Variants in VPS13A observed in about 807,000 individuals in gnomAD.
VPS13A encodes the protein vacuolar protein sorting 13 homolog A.
A neutral mutation model predicts 390.9 loss-of-function variants in VPS13A; 264 were observed. The ratio of observed to expected loss-of-function variants is 0.68; its 90% CI spans 0.61 to 0.75. VPS13A has a LOEUF of 0.75. VPS13A is among the 30% of genes least tolerant of loss of function. The pLI is 0.00. For missense variants in VPS13A, 3,409 were observed against 3,733.9 expected, an observed-to-expected ratio of 0.91 and a Z score of 2.27; for synonymous variants, 1,231 against 1,227.1, an observed-to-expected ratio of 1.00 and a Z score of -0.07.
At chr9:77,383,965 GT>G (rs1554677015) in intron 68 of VPS13A, among the ~76,000 whole-genome samples, 75 of 126,454 alleles carry the variant, frequency 5.9e-4, no homozygotes, top group Middle Eastern at 3.9e-3. Flanking sequence ...GGTGGGTTTT[GT>G]TTTTTTTTTT....
chr9:77,260,297 G>T, intron 23 of VPS13A, 73 bp downstream of exon 23: 1 of 1,481,778 alleles, frequency 6.7e-7, no homozygotes, highest in Non-Finnish European at 9.2e-7. Context: ...ACAATCACAG[G>T]AATTTTATAT....
chr9:77,178,075 G>C (rs893456306), intron 1 of VPS13A: 21 of 393,654 alleles, frequency 5.3e-5, no homozygotes, highest in Non-Finnish European at 9.1e-5. Context: ...CTTGCCGTGG[G>C]CTCCGTGGGT....
rs1832476592 is a variant in VPS13A, at chr9:77,367,117, C to T, written c.8471+245C>T. ...AGAGTCATAGGCCATGCAAGTTTCACATTTTAAAAGATCTTTCTGGCTTAG... is the reference window on the plus strand; with the variant it reads ...AGAGTCATAGGCCATGCAAGTTTCATATTTTAAAAGATCTTTCTGGCTTAG... On this transcript the variant is annotated intron_variant, in intron 61 of 71. Coordinates refer to ENST00000360280, the MANE Select transcript of VPS13A (RefSeq NM_033305.3). Among the ~76,000 whole-genome samples the T allele has an allele frequency of 2.0e-5, 3 of 152,216 alleles. No homozygotes were observed. The South Asian group carries it at 6.2e-4, about 32-fold the overall frequency.
intron 16 of VPS13A, among the ~76,000 whole-genome samples, chr9:77,227,746 G>T (rs1823602658): frequency 6.6e-6 from 1 of 151,202 alleles, no homozygotes; most frequent in South Asian, 2.1e-4. Context: ...TGTTGCTCAG[G>T]CTGGTTTTGA....
At chr9:77,235,678 T>C (rs1164405638) in intron 17 of VPS13A, among the ~76,000 whole-genome samples, 5 of 152,192 alleles carry the variant, frequency 3.3e-5, no homozygotes, top group African/African-American at 7.2e-5. Flanking sequence ...GTAGTGCATA[T>C]GTTGTTCCAC....
chr9:77,294,594 A>G (rs573534976), intron 32 of VPS13A, among the ~76,000 whole-genome samples: 38 of 152,176 alleles, frequency 2.5e-4, no homozygotes, highest in East Asian at 7.7e-4. Context: ...TGTTATTTCA[A>G]AATTCTAAGT....
intron 14 of VPS13A, 88 bp from the exon 15 acceptor site, chr9:77,226,378 A>G (rs1021661574): frequency 3.2e-6 from 4 of 1,257,412 alleles, no homozygotes; most frequent in African/African-American, 1.5e-5. Flanking sequence ...GCTCAAGAGG[A>G]TAAGTTCTCA....
At chr9:77,387,779 A>G (rs752736318) in intron 68 of VPS13A, among the ~76,000 whole-genome samples, 2 of 152,244 alleles carry the variant, frequency 1.3e-5, no homozygotes, top group South Asian at 2.1e-4. Context: ...TTCAAAACAC[A>G]TATCACTGAT....
chr9:77,340,470 A>C lies in VPS13A; in HGVS notation c.6946A>C (p.Met2316Leu). Residue 2316 changes from methionine to leucine, a missense_variant, in exon 50 of 72, where the codon ATG becomes CTG. Coordinates refer to ENST00000360280, the MANE Select transcript of VPS13A (RefSeq NM_033305.3). ...AATTGTGACATTTACCCCTTTTTATATGATTAAAAACAAAAGCAAATACCA... is the reference window on the plus strand; with the variant it reads ...AATTGTGACATTTACCCCTTTTTATCTGATTAAAAACAAAAGCAAATACCA... ...TRIVTFTPFY[M>L]IKNKSKYHIS... 1 of 1,613,360 alleles carries C rather than the reference A, an allele frequency of 6.2e-7. No individual in the cohort carries two copies. The highest frequency in any genetic ancestry group is 2.2e-5 in the East Asian group (1 of 44,750).
rs1834292435 is a variant in VPS13A at position 77,399,826 on chromosome 9, T to G, written c.9190-3410T>G. On this transcript the variant is annotated intron_variant, in intron 68 of 71. Transcript: ENST00000360280. ...TCCAGAAGTTTCTACATGTTGAAAC[T>G]GGTTTAACTGCTTATATGCACAGAT... 3.9e-5 allele frequency among the ~76,000 whole-genome samples: 6 copies of G among 152,356 alleles called. No homozygotes were observed. In the South Asian group the frequency reaches 1.0e-3, roughly 26 times the overall value.
At position 77,210,677 on chromosome 9, in the gene VPS13A, T is replaced by C. The variant is rs1359876093; in HGVS notation, c.555+2T>C. ...TCCCTTCAAAATCTGAGCATGCAGG[T>C]ATTTTGTTTATAAAAGAATCTTAAC... On this transcript the variant is annotated splice_donor_variant, in intron 7 of 71. Transcript: ENST00000360280. LOFTEE classifies it high-confidence loss of function. The C allele has an allele frequency of 6.2e-7, 1 of 1,613,306 alleles. No individual in the cohort carries two copies.
At chr9:77,406,268 G>C (rs551979934) in intron 70 of VPS13A, among the ~76,000 whole-genome samples, 2 of 152,228 alleles carry the variant, frequency 1.3e-5, no homozygotes, top group East Asian at 3.9e-4. Context: ...ATGAAATAAT[G>C]GATAGTGGCT....
intron 58 of VPS13A, 70 bp downstream of exon 58, chr9:77,359,472 C>A: frequency 7.6e-7 from 1 of 1,313,772 alleles, no homozygotes; most frequent in Non-Finnish European, 1.1e-6. Flanking sequence ...TGTTTGTACT[C>A]TTTAAATGTT....
At chr9:77,303,165 C>A in intron 34 of VPS13A, 103 bp downstream of exon 34, 2 of 1,215,204 alleles carry the variant, frequency 1.6e-6, no homozygotes, top group Non-Finnish European at 2.4e-6. Flanking sequence ...TACATAATCA[C>A]CTTGGTCAGA....
At chr9:77,179,314 A>G (rs1004349380) in intron 1 of VPS13A, among the ~76,000 whole-genome samples, 3 of 152,238 alleles carry the variant, frequency 2.0e-5, no homozygotes, top group Non-Finnish European at 4.4e-5. Flanking sequence ...CACCACCACA[A>G]TAATGGCACA....
chr9:77,371,017 T>G lies in VPS13A; in HGVS notation c.8954-9T>G, dbSNP rs2131588884. The G allele has an allele frequency of 1.9e-6, 3 of 1,614,184 alleles. No individual in the cohort carries two copies. The highest frequency in any genetic ancestry group is 2.5e-6 in the Non-Finnish European group (3 of 1,180,004). On this transcript the variant is annotated splice_polypyrimidine_tract_variant and intron_variant, in intron 66 of 71. Coordinates refer to ENST00000360280, the MANE Select transcript of VPS13A (RefSeq NM_033305.3). ...GATGCAATTGTCAAAAACTCTTTTT[T>G]CTTTCCAGGAGCTCAAAAAGGAGGA...
intron 68 of VPS13A, among the ~76,000 whole-genome samples, chr9:77,385,564 TTA>T (rs1833647340): frequency 6.6e-6 from 1 of 152,056 alleles, no homozygotes; most frequent in Non-Finnish European, 1.5e-5. Context: ...TAAATCTATT[TTA>T]TGTTTTGTGT....
At chr9:77,379,286 G>T (rs1200096501) in intron 67 of VPS13A, among the ~76,000 whole-genome samples, 1 of 150,390 alleles carries the variant, frequency 6.6e-6, no homozygotes, top group Non-Finnish European at 1.5e-5. Context: ...TGTTGCCCAG[G>T]CTGGAGTGCA....
At chr9:77,194,361 T>G (rs1225998730) in intron 1 of VPS13A, among the ~76,000 whole-genome samples, 12 of 149,508 alleles carry the variant, frequency 8.0e-5, no homozygotes, top group South Asian at 2.2e-4. Context: ...GGATGGGGGT[T>G]GGGGGGGGCG....
Sources: allele counts gnomAD v4.1 joint callset (sites outside exome capture counted in the v4.1 genomes callset), GRCh38; gene constraint gnomAD v4.1.1; transcripts MANE v1.5; gene names NCBI Gene and HGNC (gene_info 2026-07-23, HGNC 2026-07-21).